Variants in EPHA5 observed in about 807,000 individuals in gnomAD.
The protein encoded by EPHA5 is ephrin type-A receptor 5.
EPHA5 carries 60 observed loss-of-function variants against 105.0 expected under a neutral mutation model. The ratio of observed to expected loss-of-function variants is 0.57; its 90% CI spans 0.46 to 0.71. The LOEUF is 0.71. Among genes scored for constraint, EPHA5 ranks in the 30% least tolerant of loss-of-function variants. EPHA5 has a pLI of 0.00. For synonymous variants in EPHA5, 513 were observed against 449.1 expected (o/e 1.14, Z -1.80); for missense variants, 1,218 against 1,274.7 (o/e 0.96, Z 0.68).
chr4:65,333,746 T>C (rs2148806059), intron 15 of EPHA5, among the ~76,000 whole-genome samples: 2 of 151,574 alleles, frequency 1.3e-5, no homozygotes, highest in South Asian at 4.2e-4. Flanking sequence ...AAGTATCTAC[T>C]TTTTAAAAAT....
intron 8 of EPHA5, among the ~76,000 whole-genome samples, chr4:65,385,369 A>G (rs1719980854): frequency 6.6e-6 from 1 of 151,890 alleles, no homozygotes; most frequent in African/African-American, 2.4e-5. Context: ...TAAGCTTTCC[A>G]TTTAATTATG....
chr4:65,496,769 C>T (rs6815080), intron 3 of EPHA5, among the ~76,000 whole-genome samples: 48,870 of 152,014 alleles, frequency 0.32, 8,580 homozygotes, highest in African/African-American at 0.46. Context: ...TTATGTCTTA[C>T]TCAGTTTTGC....
intron 3 of EPHA5, among the ~76,000 whole-genome samples, chr4:65,588,857 G>C (rs933483466): frequency 3.3e-5 from 5 of 152,046 alleles, no homozygotes; most frequent in African/African-American, 4.8e-5. Context: ...TGCTCCAATG[G>C]CCAGGGTGGT....
intron 3 of EPHA5, among the ~76,000 whole-genome samples, chr4:65,516,610 T>C (rs1353563716): frequency 6.6e-6 from 1 of 151,994 alleles, no homozygotes; most frequent in Non-Finnish European, 1.5e-5. Context: ...TTCCTACTGG[T>C]TCTGTTTTTC....
At chr4:65,433,886 A>G (rs930381596) in intron 5 of EPHA5, among the ~76,000 whole-genome samples, 2 of 152,080 alleles carry the variant, frequency 1.3e-5, no homozygotes, top group Admixed American at 6.5e-5. Context: ...TCTAATAAAA[A>G]TGCAAAAATT....
intron 5 of EPHA5, among the ~76,000 whole-genome samples, chr4:65,447,996 G>A (rs1263018660): frequency 6.6e-6 from 1 of 152,002 alleles, no homozygotes; most frequent in Non-Finnish European, 1.5e-5. Flanking sequence ...GAAAGTGATA[G>A]ATATAACTGC....
At chr4:65,638,210 G>A (rs1302086716) in intron 2 of EPHA5, among the ~76,000 whole-genome samples, 2 of 152,040 alleles carry the variant, frequency 1.3e-5, no homozygotes, top group Non-Finnish European at 2.9e-5. Context: ...GAATTCCCAA[G>A]GGACCAATAC....
intron 13 of EPHA5, among the ~76,000 whole-genome samples, chr4:65,348,779 ATG>A (rs758698685): frequency 0.18 from 12,523 of 69,278 alleles, 2,471 homozygotes; most frequent in East Asian, 0.26. Context: ...ATGTGTGTGC[ATG>A]TGTGTGTGTG....
chr4:65,664,821 G>A (rs1435354793), intron 1 of EPHA5, among the ~76,000 whole-genome samples: 1 of 151,636 alleles, frequency 6.6e-6, no homozygotes, highest in African/African-American at 2.4e-5. Context: ...CACTCTTTCT[G>A]AAAAGAAAAA....
intron 3 of EPHA5, among the ~76,000 whole-genome samples, chr4:65,521,963 C>T (rs138382117): frequency 2.6e-3 from 395 of 152,082 alleles, no homozygotes; most frequent in African/African-American, 9.0e-3. Context: ...TTCTGAAAAT[C>T]ATTATGTAAC....
At chr4:65,528,462 G>GA (rs897219546) in intron 3 of EPHA5, among the ~76,000 whole-genome samples, 37 of 150,440 alleles carry the variant, frequency 2.5e-4, no homozygotes, top group African/African-American at 4.6e-4. Context: ...ATCCTTAAGA[G>GA]AAAAAAAAAG....
At chr4:65,396,258 T>C (rs2084681) in intron 8 of EPHA5, among the ~76,000 whole-genome samples, 2,008 of 152,322 alleles carry the variant, frequency 0.013, 47 homozygotes, top group African/African-American at 0.046. Context: ...TACCTAGATA[T>C]TGATTAGGGT....
rs532705375 is a variant in EPHA5, at chr4:65,657,867, G to C, written c.181+11695C>G. ...ACTCAATGAGTTTACAGACAGGCAA[G>C]CTTTCTTCATATTGATACATTTGGT... On this transcript the variant is annotated intron_variant, in intron 1 of 16. Coordinates refer to ENST00000613740, the MANE Select transcript of EPHA5 (RefSeq NM_001281766.3). Among the ~76,000 whole-genome samples, 3 of 142,340 alleles carry C rather than the reference G, an allele frequency of 2.1e-5. No homozygotes were observed. In the South Asian group the frequency reaches 6.6e-4, roughly 31 times the overall value. 93.4% of individuals were successfully genotyped at this position (142,340 alleles called of 152,430 possible).
chr4:65,461,145 A>G (rs993035367), intron 5 of EPHA5, among the ~76,000 whole-genome samples: 3 of 151,934 alleles, frequency 2.0e-5, no homozygotes, highest in African/African-American at 7.2e-5. Context: ...CAAATCAGCA[A>G]TTAGCAATAA....
chr4:65,445,065 T>C (rs1726386654), intron 5 of EPHA5, among the ~76,000 whole-genome samples: 1 of 152,068 alleles, frequency 6.6e-6, no homozygotes, highest in Admixed American at 6.6e-5. Flanking sequence ...TCAAAATAAA[T>C]AAAATACTTC....
chr4:65,329,367 A>G (rs894912617), intron 16 of EPHA5, among the ~76,000 whole-genome samples: 9 of 151,386 alleles, frequency 5.9e-5, no homozygotes, highest in African/African-American at 2.2e-4. Flanking sequence ...CTATACATGC[A>G]CGTACTGGCA....
At chr4:65,530,675 A>C (rs570861673) in intron 3 of EPHA5, among the ~76,000 whole-genome samples, 94 of 152,314 alleles carry the variant, frequency 6.2e-4, no homozygotes, top group African/African-American at 2.2e-3. Context: ...GACTTCTGAT[A>C]ATTTTCTTGT....
chr4:65,414,058 G>A (rs545697683), intron 7 of EPHA5, among the ~76,000 whole-genome samples: 2 of 152,278 alleles, frequency 1.3e-5, no homozygotes, highest in African/African-American at 4.8e-5. Context: ...ATCTCCTGAA[G>A]TACCATCTCC....
At chr4:65,453,669 C>T (rs993162377) in intron 5 of EPHA5, among the ~76,000 whole-genome samples, 2 of 152,202 alleles carry the variant, frequency 1.3e-5, no homozygotes, top group African/African-American at 2.4e-5. Context: ...ACACACCGCA[C>T]ATGCTCCCCC....
Sources: gnomAD v4.1 joint callset for allele counts (sites outside exome capture counted in the v4.1 genomes callset) on GRCh38, gnomAD v4.1.1 for gene constraint, MANE v1.5 for transcripts, NCBI Gene and HGNC (gene_info 2026-07-23, HGNC 2026-07-21) for gene names.